The following PRDM6 variants were observed in gnomAD, a reference collection of about 807,000 sequenced individuals.
The protein encoded by PRDM6 is PR/SET domain 6, also known as putative histone-lysine N-methyltransferase PRDM6.
Under a neutral mutation model 60.8 loss-of-function variants are expected in PRDM6, and 25 were observed. The observed-to-expected ratio is 0.41, with a 90% CI of 0.30 to 0.57. The LOEUF (loss-of-function observed/expected upper bound fraction) is 0.57, where lower values mean the gene tolerates loss of function less well. Among genes scored for constraint, PRDM6 ranks in the 20% least tolerant of loss-of-function variants. The pLI is 0.27. For synonymous variants in PRDM6, 407 were observed against 357.4 expected (o/e 1.14, Z -1.57); for missense variants, 839 against 821.3 (o/e 1.02, Z -0.26).
intron 3 of PRDM6, among the ~76,000 whole-genome samples, chr5:123,145,098 C>A (rs1172394442): frequency 6.6e-6 from 1 of 152,186 alleles, no homozygotes; most frequent in African/African-American, 2.4e-5. Flanking sequence ...TCCTTGCATG[C>A]TTGTTTAATG....
intron 3 of PRDM6, among the ~76,000 whole-genome samples, chr5:123,102,566 C>G (rs1764127451): frequency 6.6e-6 from 1 of 151,868 alleles, no homozygotes; most frequent in Admixed American, 6.6e-5. Context: ...TAATAATTAT[C>G]CATTTCAAAA....
At chr5:123,097,594 T>C (rs1185609526) in intron 2 of PRDM6, among the ~76,000 whole-genome samples, 2 of 152,260 alleles carry the variant, frequency 1.3e-5, no homozygotes, top group Admixed American at 1.3e-4. Flanking sequence ...GTGTTTATTG[T>C]CTTTCATGTA....
At chr5:123,142,898 A>AAC (rs1765142761) in intron 3 of PRDM6, among the ~76,000 whole-genome samples, 1 of 146,344 alleles carries the variant, frequency 6.8e-6, no homozygotes, top group Non-Finnish European at 1.5e-5. Context: ...AAAAAAAAAA[A>AAC]AAAACAAACA....
intron 3 of PRDM6, among the ~76,000 whole-genome samples, chr5:123,100,449 C>T (rs867115431): frequency 5.9e-5 from 9 of 152,276 alleles, no homozygotes; most frequent in Middle Eastern, 3.4e-3. Flanking sequence ...GAGGCTGGCC[C>T]CTTTTCTCAG....
intron 6 of PRDM6, among the ~76,000 whole-genome samples, chr5:123,173,222 T>C (rs1046854838): frequency 2.0e-5 from 3 of 151,942 alleles, no homozygotes; most frequent in African/African-American, 7.3e-5. Flanking sequence ...GTATGTGTTA[T>C]GATGTCTGTC....
intron 3 of PRDM6, among the ~76,000 whole-genome samples, chr5:123,141,434 GA>G (rs1370675189): frequency 6.6e-6 from 1 of 151,800 alleles, no homozygotes; most frequent in African/African-American, 2.4e-5. Context: ...CTGAGCTACA[GA>G]AAAAAAGGTT....
chr5:123,147,708 G>C (rs1765278541), intron 3 of PRDM6, among the ~76,000 whole-genome samples: 1 of 152,216 alleles, frequency 6.6e-6, no homozygotes, highest in Non-Finnish European at 1.5e-5. Flanking sequence ...CAGCATATAT[G>C]CTTTTGCCAA....
chr5:123,165,954 T>G (rs1765742548), intron 5 of PRDM6, among the ~76,000 whole-genome samples: 1 of 152,188 alleles, frequency 6.6e-6, no homozygotes, highest in Non-Finnish European at 1.5e-5. Context: ...ACATAGAGTC[T>G]CCAGAAACAT....
At chr5:123,170,197 G>T (rs1289439547) in intron 5 of PRDM6, among the ~76,000 whole-genome samples, 2 of 152,074 alleles carry the variant, frequency 1.3e-5, no homozygotes, top group Non-Finnish European at 1.5e-5. Flanking sequence ...CTTACTGCAT[G>T]CGACACTCCT....
intron 3 of PRDM6, among the ~76,000 whole-genome samples, chr5:123,147,440 G>A (rs932449470): frequency 3.3e-5 from 5 of 152,152 alleles, no homozygotes; most frequent in African/African-American, 1.2e-4. Flanking sequence ...GGATATTATT[G>A]CTGCAACGGA....
intron 3 of PRDM6, among the ~76,000 whole-genome samples, chr5:123,123,655 C>G (rs1181127238): frequency 6.6e-6 from 1 of 152,160 alleles, no homozygotes; most frequent in Admixed American, 6.5e-5. Context: ...CGTTCTCTTC[C>G]CACATTTATA....
At chr5:123,110,555 TTTTTTTTTTTTTC>T in intron 3 of PRDM6, among the ~76,000 whole-genome samples, 1 of 128,666 alleles carries the variant, frequency 7.8e-6, no homozygotes, top group South Asian at 2.3e-4. Flanking sequence ...CCCGGCCTAC[TTTTTTTTTTTTTC>T]TTTTTTTTTT....
intron 3 of PRDM6, among the ~76,000 whole-genome samples, chr5:123,147,015 C>A (rs888811802): frequency 2.0e-5 from 3 of 151,976 alleles, no homozygotes; most frequent in Non-Finnish European, 4.4e-5. Flanking sequence ...TGAGAGTTTT[C>A]TTTATTTTTA....
At chr5:123,143,637 G>C (rs529578997) in intron 3 of PRDM6, among the ~76,000 whole-genome samples, 2 of 152,132 alleles carry the variant, frequency 1.3e-5, no homozygotes, top group Non-Finnish European at 2.9e-5. Context: ...TGGTGTCCCA[G>C]TGCTGGCTGC....
chr5:123,110,373 C>G (rs1287951407), intron 3 of PRDM6, among the ~76,000 whole-genome samples: 2 of 149,908 alleles, frequency 1.3e-5, no homozygotes, highest in African/African-American at 2.5e-5. Flanking sequence ...ATTCTCCTTC[C>G]TCAGCCTCCC....
chr5:123,090,026 C>G lies in PRDM6; in HGVS notation c.12C>G (p.Pro4=), dbSNP rs1403896225. The G allele has an allele frequency of 3.9e-6, 6 of 1,547,602 alleles. No homozygotes were observed. In the East Asian group the frequency reaches 1.2e-4, roughly 32 times the overall value. MLK[P]GDPGGSAFLK... is the part of the protein sequence containing the mutation. ...TCGAGGCGCCGGACATGCTGAAGCC[C>G]GGAGACCCCGGCGGTTCGGCCTTCC... Residue 4 remains proline (P), a synonymous_variant, in exon 2 of 8, where the codon CCC becomes CCG. Coordinates refer to ENST00000407847, the MANE Select transcript of PRDM6 (RefSeq NM_001136239.4).
chr5:123,119,889 A>G (rs1385559145), intron 3 of PRDM6, among the ~76,000 whole-genome samples: 1 of 152,246 alleles, frequency 6.6e-6, no homozygotes, highest in Non-Finnish European at 1.5e-5. Context: ...TTATACTACC[A>G]AGTTAAGTCA....
At chr5:123,120,687 T>C (rs1305332808) in intron 3 of PRDM6, among the ~76,000 whole-genome samples, 1 of 152,262 alleles carries the variant, frequency 6.6e-6, no homozygotes, top group Non-Finnish European at 1.5e-5. Flanking sequence ...CTTTAAATTA[T>C]TATCTAAACA....
intron 3 of PRDM6, among the ~76,000 whole-genome samples, chr5:123,149,835 T>C (rs2126868114): frequency 6.6e-6 from 1 of 152,336 alleles, no homozygotes; most frequent in East Asian, 1.9e-4. Flanking sequence ...TTCTTTCTCT[T>C]TTCTTTTTCA....
Sources: gnomAD v4.1 joint callset for allele counts (sites outside exome capture counted in the v4.1 genomes callset) on GRCh38, gnomAD v4.1.1 for gene constraint, MANE v1.5 for transcripts, NCBI Gene and HGNC (gene_info 2026-07-23, HGNC 2026-07-21) for gene names.